NREP: variants seen among roughly 807,000 people sequenced by gnomAD.
NREP encodes neuronal regeneration-related protein.
In NREP, 5 loss-of-function variants were observed where a neutral mutation model predicts 8.6. The observed-to-expected ratio is 0.58, with a 90% CI of 0.30 to 1.22. The LOEUF (loss-of-function observed/expected upper bound fraction) is 1.22, where lower values mean the gene tolerates loss of function less well. NREP is among the 50% of genes most tolerant of loss of function. The pLI, the probability that NREP is intolerant of heterozygous loss-of-function variation, is 0.07. For missense variants in NREP, 86 were observed against 82.5 expected (o/e 1.04, Z -0.17); for synonymous variants, 27 against 28.0 (o/e 0.96, Z 0.11).
At chr5:111,754,930 A>G (rs762820737) in intron 2 of NREP, among the ~76,000 whole-genome samples, 17 of 152,228 alleles carry the variant, frequency 1.1e-4, no homozygotes, top group Non-Finnish European at 2.2e-4. Flanking sequence ...GAAATCACAC[A>G]TTCTAAGTGA....
chr5:111,896,982 C>T (rs1278870614), intron 2 of NREP, among the ~76,000 whole-genome samples: 4 of 152,116 alleles, frequency 2.6e-5, no homozygotes, highest in Admixed American at 2.0e-4. Flanking sequence ...TCATATGTTT[C>T]ATTTAATATT....
At chr5:111,935,099 G>A (rs1163468469) in intron 2 of NREP, among the ~76,000 whole-genome samples, 2 of 152,126 alleles carry the variant, frequency 1.3e-5, no homozygotes, top group African/African-American at 4.8e-5. Flanking sequence ...TAGATATACA[G>A]TACTTTTGAA....
At chr5:111,753,330 TTATATATATATATATA>T (rs10546970) in intron 2 of NREP, among the ~76,000 whole-genome samples, 1 of 140,800 alleles carries the variant, frequency 7.1e-6, no homozygotes, top group African/African-American at 2.6e-5. Flanking sequence ...CAAGTTGATT[TTATATATATATATATA>T]TATATATGTA....
At chr5:111,892,519 A>C (rs1282278332) in intron 2 of NREP, among the ~76,000 whole-genome samples, 4 of 152,156 alleles carry the variant, frequency 2.6e-5, no homozygotes, top group African/African-American at 9.7e-5. Context: ...TTTTTTCATT[A>C]TGTTTATATG....
chr5:111,735,598 C>T (rs1426124003), intron 2 of NREP, 91 bp from the exon 3 acceptor site: 1 of 859,694 alleles, frequency 1.2e-6, no homozygotes, highest in African/African-American at 1.7e-5. Context: ...CAATTCTCCT[C>T]AATGGTTACT....
In NREP at chr5:111,905,475, G is replaced by T. The variant is rs188899493; in HGVS notation, c.135+69799C>A. ...AAAACAGTTAAACCAATAACATAAG[G>T]TAACATTCTTGTATAAATAGCGGTC... On this transcript the variant is annotated intron_variant, in intron 2 of 3. Transcript: ENST00000395634. 2.0e-5 allele frequency among the ~76,000 whole-genome samples: 3 copies of T among 152,178 alleles called. No homozygotes were observed. In the East Asian group the frequency reaches 5.8e-4, roughly 29 times the overall value.
intron 2 of NREP, among the ~76,000 whole-genome samples, chr5:111,855,481 A>G (rs1014302804): frequency 7.9e-5 from 12 of 152,242 alleles, no homozygotes; most frequent in South Asian, 2.1e-4. Flanking sequence ...AAATCACTCA[A>G]TGAGTCAACA....
intron 2 of NREP, among the ~76,000 whole-genome samples, chr5:111,876,616 C>T (rs1026191747): frequency 6.6e-6 from 1 of 152,156 alleles, no homozygotes; most frequent in Non-Finnish European, 1.5e-5. Flanking sequence ...ATGCAATCTG[C>T]CAATGTGAGG....
chr5:111,914,868 T>C (rs1755011101), intron 2 of NREP, among the ~76,000 whole-genome samples: 1 of 152,154 alleles, frequency 6.6e-6, no homozygotes, highest in South Asian at 2.1e-4. Context: ...GATATGAACT[T>C]AGGAATGTGC....
chr5:111,916,096 G>A (rs545364469), intron 2 of NREP, among the ~76,000 whole-genome samples: 75 of 152,004 alleles, frequency 4.9e-4, no homozygotes, highest in African/African-American at 1.6e-3. Context: ...AGCCATAGTC[G>A]CAAGCCAAAG....
chr5:111,744,827 A>G (rs1749900993), intron 2 of NREP, among the ~76,000 whole-genome samples: 1 of 152,162 alleles, frequency 6.6e-6, no homozygotes, highest in South Asian at 2.1e-4. Flanking sequence ...GTTTAATATG[A>G]AAAAGGTAGT....
intron 2 of NREP, among the ~76,000 whole-genome samples, chr5:111,880,443 G>T (rs1754024803): frequency 6.6e-6 from 1 of 152,104 alleles, no homozygotes; most frequent in Non-Finnish European, 1.5e-5. Context: ...TTCTTTTGAG[G>T]CCTCTTTCCT....
At chr5:111,825,978 C>T (rs1357600064) in intron 2 of NREP, among the ~76,000 whole-genome samples, 2 of 144,222 alleles carry the variant, frequency 1.4e-5, no homozygotes, top group Non-Finnish European at 3.0e-5. Context: ...TTTTTTGAGA[C>T]AGTCTTGCTC....
chr5:111,847,310 C>G (rs1426129038), intron 2 of NREP, among the ~76,000 whole-genome samples: 3 of 152,052 alleles, frequency 2.0e-5, no homozygotes, highest in African/African-American at 7.2e-5. Context: ...AGTGCATGCA[C>G]AGAGAGAAAG....
At chr5:111,965,685 C>G (rs1756622921) in intron 2 of NREP, among the ~76,000 whole-genome samples, 1 of 152,106 alleles carries the variant, frequency 6.6e-6, no homozygotes, top group African/African-American at 2.4e-5. Context: ...TAAAAGGACT[C>G]TTTTTAAAAC....
chr5:111,826,405 C>T (rs897178495), intron 2 of NREP, among the ~76,000 whole-genome samples: 1 of 152,198 alleles, frequency 6.6e-6, no homozygotes, highest in Non-Finnish European at 1.5e-5. Context: ...ATAAATCTGG[C>T]TGCTGCTCAG....
At chr5:111,881,756 C>T (rs181344154) in intron 2 of NREP, among the ~76,000 whole-genome samples, 1 of 152,300 alleles carries the variant, frequency 6.6e-6, no homozygotes, top group African/African-American at 2.4e-5. Context: ...TCCAACAGAC[C>T]TGCAGCTGAG....
intron 2 of NREP, among the ~76,000 whole-genome samples, chr5:111,791,222 T>A (rs896140482): frequency 3.3e-5 from 5 of 152,192 alleles, no homozygotes; most frequent in Non-Finnish European, 7.3e-5. Context: ...TTTTTTGTGG[T>A]GAGAAAATGT....
intron 2 of NREP, among the ~76,000 whole-genome samples, chr5:111,863,369 A>G (rs1464170218): frequency 6.6e-6 from 1 of 152,156 alleles, no homozygotes; most frequent in Admixed American, 6.6e-5. Context: ...GGATATACCC[A>G]TAAATATCCA....
Sources: allele counts gnomAD v4.1 joint callset (sites outside exome capture counted in the v4.1 genomes callset), GRCh38; gene constraint gnomAD v4.1.1; transcripts MANE v1.5; gene names NCBI Gene and HGNC (gene_info 2026-07-23, HGNC 2026-07-21).